Variants in FAT3 observed in about 807,000 individuals in gnomAD.
FAT3 encodes protocadherin Fat 3.
In FAT3, 95 loss-of-function variants were observed where a neutral mutation model predicts 310.2. That is an observed-to-expected ratio of 0.31 (90% CI 0.26 to 0.36). The LOEUF is 0.36. Among genes scored for constraint, FAT3 ranks in the 10% least tolerant of loss-of-function variants. The pLI, the probability that FAT3 is intolerant of heterozygous loss-of-function variation, is 1.00. For missense variants in FAT3, 5,408 were observed against 5,715.6 expected (o/e 0.95, Z 1.74); for synonymous variants, 2,314 against 2,192.9 (o/e 1.06, Z -1.54).
intron 5 of FAT3, among the ~76,000 whole-genome samples, chr11:92,763,581 T>C (rs1433648949): frequency 6.6e-6 from 1 of 152,102 alleles, no homozygotes; most frequent in African/African-American, 2.4e-5. Flanking sequence ...GAGTCTACAT[T>C]CCCAGCCTCC....
At chr11:92,261,653 A>G (rs1280917009) in intron 1 of FAT3, among the ~76,000 whole-genome samples, 2 of 152,114 alleles carry the variant, frequency 1.3e-5, no homozygotes, top group Non-Finnish European at 2.9e-5. Context: ...ATTCAATCTA[A>G]GGGCCTTGTA....
chr11:92,664,584 G>C (rs1591581734), intron 3 of FAT3, among the ~76,000 whole-genome samples: 1 of 152,150 alleles, frequency 6.6e-6, no homozygotes, highest in Non-Finnish European at 1.5e-5. Flanking sequence ...GTTGGCAAAT[G>C]TGTCACTCCT....
chr11:92,258,024 A>G (rs973842792), intron 1 of FAT3, among the ~76,000 whole-genome samples: 3 of 152,132 alleles, frequency 2.0e-5, no homozygotes, highest in Non-Finnish European at 4.4e-5. Context: ...ACCCCCAGGT[A>G]TATCCCAATA....
intron 22 of FAT3, among the ~76,000 whole-genome samples, chr11:92,877,730 G>C (rs1949566061): frequency 6.6e-6 from 1 of 152,108 alleles, no homozygotes. Flanking sequence ...GAACTAATAA[G>C]CAATGGTTAC....
At chr11:92,638,188 C>CGT (rs1413815764) in intron 3 of FAT3, among the ~76,000 whole-genome samples, 2 of 152,090 alleles carry the variant, frequency 1.3e-5, no homozygotes, top group Non-Finnish European at 2.9e-5. Flanking sequence ...TGACCATTTG[C>CGT]ATATTAAATT....
At chr11:92,624,171 T>C (rs1057025508) in intron 3 of FAT3, among the ~76,000 whole-genome samples, 1 of 152,156 alleles carries the variant, frequency 6.6e-6, no homozygotes, top group African/African-American at 2.4e-5. Context: ...TAAGCCCTAC[T>C]GGAGTCAGGG....
chr11:92,713,653 C>T (rs1447940702), intron 4 of FAT3, among the ~76,000 whole-genome samples: 2 of 152,146 alleles, frequency 1.3e-5, no homozygotes, highest in Non-Finnish European at 2.9e-5. Flanking sequence ...CAATAGTTTT[C>T]AGTCTTTAAA....
chr11:92,589,612 A>G (rs1262028923), intron 3 of FAT3, among the ~76,000 whole-genome samples: 2 of 151,988 alleles, frequency 1.3e-5, no homozygotes, highest in Non-Finnish European at 1.5e-5. Flanking sequence ...CAAAGTGGAT[A>G]TATCATATTT....
At chr11:92,589,396 T>A (rs1939315687) in intron 3 of FAT3, among the ~76,000 whole-genome samples, 1 of 152,104 alleles carries the variant, frequency 6.6e-6, no homozygotes, top group Admixed American at 6.6e-5. Context: ...TCTTTACTAC[T>A]GAAAATTTTG....
chr11:92,553,361 C>T (rs1954887350), intron 3 of FAT3, among the ~76,000 whole-genome samples: 1 of 152,336 alleles, frequency 6.6e-6, no homozygotes, highest in East Asian at 1.9e-4. Flanking sequence ...ATGTATCTCA[C>T]ATCTCTACTT....
chr11:92,807,097 C>T (rs1457462698), intron 12 of FAT3, among the ~76,000 whole-genome samples: 2 of 151,964 alleles, frequency 1.3e-5, no homozygotes, highest in African/African-American at 2.4e-5. Flanking sequence ...GTGAATCTTT[C>T]CCAGTTATTT....
chr11:92,375,107 T>G (rs867258570), intron 2 of FAT3, among the ~76,000 whole-genome samples: 8 of 151,972 alleles, frequency 5.3e-5, no homozygotes, highest in African/African-American at 1.9e-4. Context: ...TTAATATATA[T>G]CCTGTTAAAC....
At position 92,293,195 on chromosome 11, in the gene FAT3, C is replaced by A. The variant is rs1946743362; in HGVS notation, c.-17-58901C>A. Among the ~76,000 whole-genome samples the A allele has an allele frequency of 2.0e-5, 3 of 151,356 alleles. No homozygotes were observed. In the South Asian group the frequency reaches 6.2e-4, roughly 31 times the overall value. On this transcript the variant is annotated intron_variant, in intron 1 of 27. Transcript: ENST00000525166. ...AACCTCCCTGAGCCTTTTTGGTTTC[C>A]TATAAGAGGGTGGGAGCTAGAAGGC...
In FAT3 at chr11:92,748,923, C is replaced by CT. The variant is rs964929488; in HGVS notation, c.3670-12929dup. On this transcript the variant is annotated intron_variant, in intron 4 of 27. Coordinates refer to ENST00000525166, the MANE Select transcript of FAT3 (RefSeq NM_001367949.2). ...CCCTTTAATTTACTGTTTGTGTATA[C>CT]TTTTCTTTCCAGAAATGGCAGGAAG... 2.6e-5 allele frequency: 4 copies of CT among 152,270 alleles called. No individual in the cohort carries two copies. The East Asian group carries it at 7.7e-4, about 29-fold the overall frequency. The allele number at this position is 152,270 out of a possible 1,614,324, so 9.4% of individuals were successfully genotyped here. A position where few individuals can be genotyped will look rare whatever the true frequency, so the allele number is the denominator to read the frequency against.
Position 92,801,548 on chromosome 11 carries a change from C to T in FAT3, c.8535C>T (p.Ala2845=). The part of the protein sequence containing the change: ...QVRAIDMDWG[A]NGQVTYSLHS... ...GAGCTATTGATATGGACTGGGGAGC[C>T]AATGGACAAGTCACTTACTCCCTCC... The change falls in exon 10 of 28, where the codon GCC becomes GCT. Residue 2845 remains alanine (A), a synonymous_variant. Transcript: ENST00000525166. The T allele has an allele frequency of 1.2e-6, 2 of 1,607,958 alleles. No individual in the cohort carries two copies. The highest frequency in any genetic ancestry group is 2.2e-5 in the South Asian group (2 of 90,028).
At position 92,456,587 on chromosome 11, in the gene FAT3, A is replaced by G. The variant is rs140807437; in HGVS notation, c.3293-68047A>G. ...AAGGTGTGGTGGTGAAACCAGAACT[A>G]TAATCACATTTCTCAGAGATAACAA... is the stretch of plus-strand genomic sequence containing the variant. On this transcript the variant is annotated intron_variant, in intron 2 of 27. Coordinates refer to ENST00000525166, the MANE Select transcript of FAT3 (RefSeq NM_001367949.2). Among the ~76,000 whole-genome samples the G allele has an allele frequency of 5.0e-3, 765 of 152,312 alleles. 4 individuals are homozygous for G. Among genetic ancestry groups the G allele is most frequent in the South Asian group, 0.016 (79 of 4,826 alleles).
At chr11:92,256,249 G>A (rs889981529) in intron 1 of FAT3, among the ~76,000 whole-genome samples, 1 of 151,972 alleles carries the variant, frequency 6.6e-6, no homozygotes. Context: ...AGGCAAATGG[G>A]TGTCCAGAGA....
In FAT3 at chr11:92,844,416, C is replaced by G. The variant is rs747713799; in HGVS notation, c.11049C>G (p.Asp3683Glu). The G allele has an allele frequency of 2.5e-6, 4 of 1,613,862 alleles. No homozygotes were observed. The highest frequency in any genetic ancestry group is 2.5e-6 in the Non-Finnish European group (3 of 1,179,910). The change falls in exon 19 of 28, where the codon GAC becomes GAG. Residue 3683 changes from aspartate (D) to glutamate (E), a missense_variant. By Grantham distance (45) the Asp-to-Glu change is conservative (BLOSUM62 2). Coordinates refer to ENST00000525166, the MANE Select transcript of FAT3 (RefSeq NM_001367949.2). The part of the protein sequence containing the change: ...LRNAVLTQKQ[D>E]SLRIISIQPV... ...ATGCAGTCCTCACCCAGAAGCAGGA[C>G]AGCCTGCGCATCATCAGCATCCAGC...
At chr11:92,513,539 A>G (rs1181293775) in intron 2 of FAT3, among the ~76,000 whole-genome samples, 1 of 152,194 alleles carries the variant, frequency 6.6e-6, no homozygotes, top group Non-Finnish European at 1.5e-5. Flanking sequence ...TTAAAAATGC[A>G]CTGAGATGTT....
Sources: gnomAD v4.1 joint callset for allele counts (sites outside exome capture counted in the v4.1 genomes callset) on GRCh38, gnomAD v4.1.1 for gene constraint, MANE v1.5 for transcripts, NCBI Gene and HGNC (gene_info 2026-07-23, HGNC 2026-07-21) for gene names.